Variants in EPHA6 observed in about 807,000 individuals in gnomAD.
EPHA6 encodes ephrin type-A receptor 6.
Under a neutral mutation model 112.0 loss-of-function variants are expected in EPHA6, and 50 were observed. The observed-to-expected ratio is 0.45, with a 90% CI of 0.36 to 0.56. The LOEUF (loss-of-function observed/expected upper bound fraction) is 0.56, where lower values mean the gene tolerates loss of function less well. EPHA6 is among the 20% of genes least tolerant of loss of function. The pLI, the probability that EPHA6 is intolerant of heterozygous loss-of-function variation, is 0.00. For synonymous variants in EPHA6, 529 were observed against 490.7 expected (o/e 1.08, Z -1.03); for missense variants, 1,280 against 1,417.4 (o/e 0.90, Z 1.56).
chr3:97,051,884 A>G (rs1017472887), intron 3 of EPHA6, among the ~76,000 whole-genome samples: 13 of 152,250 alleles, frequency 8.5e-5, no homozygotes, highest in Middle Eastern at 3.4e-3. Flanking sequence ...GTATAAGACC[A>G]TTCATGATAT....
At chr3:97,459,371 T>C (rs2090808714) in intron 7 of EPHA6, among the ~76,000 whole-genome samples, 1 of 152,196 alleles carries the variant, frequency 6.6e-6, no homozygotes, top group Non-Finnish European at 1.5e-5. Context: ...GCATTCTGTG[T>C]TGACAAGCCC....
intron 14 of EPHA6, among the ~76,000 whole-genome samples, chr3:97,695,076 G>A (rs987291787): frequency 1.3e-5 from 2 of 152,070 alleles, no homozygotes; most frequent in African/African-American, 2.4e-5. Context: ...CAGAGCAAAG[G>A]TACATGTGAT....
intron 5 of EPHA6, among the ~76,000 whole-genome samples, chr3:97,330,728 G>C (rs1296973076): frequency 6.6e-6 from 1 of 152,050 alleles, no homozygotes; most frequent in African/African-American, 2.4e-5. Flanking sequence ...CAATACAGGA[G>C]CACCCAGATT....
intron 3 of EPHA6, among the ~76,000 whole-genome samples, chr3:97,001,987 T>G (rs993037515): frequency 6.6e-6 from 1 of 152,084 alleles, no homozygotes; most frequent in African/African-American, 2.4e-5. Context: ...GATAGAATTC[T>G]TTAACTAGGA....
chr3:97,687,279 A>G (rs568485268), intron 14 of EPHA6, among the ~76,000 whole-genome samples: 38 of 152,270 alleles, frequency 2.5e-4, no homozygotes, highest in South Asian at 2.5e-3. Context: ...CATTTGTGCT[A>G]TGTTACAGCA....
At chr3:97,663,551 T>G (rs957789620) in intron 14 of EPHA6, among the ~76,000 whole-genome samples, 2 of 146,960 alleles carry the variant, frequency 1.4e-5, no homozygotes, top group African/African-American at 5.0e-5. Flanking sequence ...GTTCTCATTG[T>G]TCAATTCCTG....
At chr3:97,105,520 T>G (rs779914132) in intron 3 of EPHA6, among the ~76,000 whole-genome samples, 1 of 152,182 alleles carries the variant, frequency 6.6e-6, no homozygotes, top group South Asian at 2.1e-4. Context: ...AATAGTGTGT[T>G]TGGTACAATT....
At chr3:96,888,394 C>A (rs1461948805) in intron 2 of EPHA6, among the ~76,000 whole-genome samples, 3 of 152,174 alleles carry the variant, frequency 2.0e-5, no homozygotes, top group African/African-American at 4.8e-5. Context: ...GAGGGTCTCC[C>A]TTTTCCACTT....
At chr3:97,470,079 A>G (rs141008648) in intron 7 of EPHA6, among the ~76,000 whole-genome samples, 293 of 151,812 alleles carry the variant, frequency 1.9e-3, no homozygotes, top group African/African-American at 6.8e-3. Context: ...CTCAGCTTTC[A>G]TTTGTATCTC....
chr3:97,506,517 C>T (rs2092256845), intron 10 of EPHA6, among the ~76,000 whole-genome samples: 1 of 152,166 alleles, frequency 6.6e-6, no homozygotes, highest in South Asian at 2.1e-4. Context: ...GTTCTGAGAC[C>T]TCTGTTCTCT....
intron 3 of EPHA6, among the ~76,000 whole-genome samples, chr3:97,078,649 G>A (rs539639031): frequency 6.6e-6 from 1 of 152,188 alleles, no homozygotes; most frequent in East Asian, 1.9e-4. Context: ...TATTAAATAG[G>A]GAATCCTTTC....
At chr3:97,195,690 C>T (rs529991385) in intron 3 of EPHA6, among the ~76,000 whole-genome samples, 4 of 152,078 alleles carry the variant, frequency 2.6e-5, no homozygotes, top group South Asian at 2.1e-4. Context: ...TGATGAAATA[C>T]CTCAGCTTTT....
At chr3:97,701,412 G>C (rs548488118) in intron 14 of EPHA6, among the ~76,000 whole-genome samples, 87 of 152,204 alleles carry the variant, frequency 5.7e-4, no homozygotes, top group African/African-American at 1.9e-3. Flanking sequence ...TCAGATTAAA[G>C]GGACAGATGC....
intron 5 of EPHA6, among the ~76,000 whole-genome samples, chr3:97,403,850 T>C (rs1187953810): frequency 6.6e-6 from 1 of 152,232 alleles, no homozygotes; most frequent in African/African-American, 2.4e-5. Context: ...GTAGTGTTTA[T>C]CCTATTGCCT....
At chr3:96,864,327 C>T (rs1218287155) in intron 1 of EPHA6, among the ~76,000 whole-genome samples, 1 of 152,020 alleles carries the variant, frequency 6.6e-6, no homozygotes, top group African/African-American at 2.4e-5. Context: ...CCCAGATGTC[C>T]ATCAACTAGG....
chr3:97,634,223 T>C (rs1278308970), intron 13 of EPHA6, among the ~76,000 whole-genome samples: 2 of 152,036 alleles, frequency 1.3e-5, no homozygotes, highest in African/African-American at 4.8e-5. Flanking sequence ...CACATCAATA[T>C]TGAGAGAATG....
At chr3:96,911,666 G>A (rs958910594) in intron 2 of EPHA6, among the ~76,000 whole-genome samples, 4 of 151,980 alleles carry the variant, frequency 2.6e-5, no homozygotes, top group African/African-American at 7.2e-5. Flanking sequence ...TATAACTTTC[G>A]ATATGTTTTA....
At chr3:97,537,647 T>C (rs900172395) in intron 11 of EPHA6, among the ~76,000 whole-genome samples, 4 of 152,144 alleles carry the variant, frequency 2.6e-5, no homozygotes, top group Non-Finnish European at 4.4e-5. Context: ...GGCACGATCT[T>C]GACTCACTGC....
chr3:97,144,910 T>C (rs528734958), intron 3 of EPHA6, among the ~76,000 whole-genome samples: 1 of 151,670 alleles, frequency 6.6e-6, no homozygotes, highest in South Asian at 2.1e-4. Flanking sequence ...TCCTGAGACT[T>C]CCTTTTGCTT....
Sources: gnomAD v4.1 joint callset for allele counts (sites outside exome capture counted in the v4.1 genomes callset) on GRCh38, gnomAD v4.1.1 for gene constraint, MANE v1.5 for transcripts, NCBI Gene and HGNC (gene_info 2026-07-23, HGNC 2026-07-21) for gene names.